The following ANO4 variants were observed in gnomAD, a reference collection of about 807,000 sequenced individuals.
ANO4 encodes the protein anoctamin-4.
ANO4 carries 69 observed loss-of-function variants against 141.9 expected under a neutral mutation model. That is an observed-to-expected ratio of 0.49 (90% CI 0.40 to 0.59). The LOEUF (loss-of-function observed/expected upper bound fraction) is 0.59. Ranked by LOEUF, ANO4 falls within the 20% of genes least tolerant of loss-of-function variation. ANO4 has a pLI of 0.00. For synonymous variants in ANO4, 350 were observed against 394.3 expected, an observed-to-expected ratio of 0.89 and a Z score of 1.33; for missense variants, 894 against 1,162.2, an observed-to-expected ratio of 0.77 and a Z score of 3.36.
At chr12:101,006,732 A>G (rs187595401) in intron 8 of ANO4, among the ~76,000 whole-genome samples, 36 of 152,314 alleles carry the variant, frequency 2.4e-4, no homozygotes, top group Admixed American at 2.0e-3. Context: ...CCATTTCTAT[A>G]AAGTTCTAAA....
rs2050671730 is a variant in ANO4 at position 101,111,704 on chromosome 12, G to A, written c.2444G>A (p.Gly815Glu). The change falls in exon 24 of 28, where the codon GGG (glycine) becomes GAG (glutamate). Residue 815 changes from glycine to glutamate, a missense_variant. By Grantham distance (98) the Gly-to-Glu change is moderately conservative. Around this residue, in one of 2 missense-constraint regions of ANO4, gnomAD observed 637 missense variants for 909.2 expected, o/e 0.70. Transcript: ENST00000392977. ...CCTTGTGCAGGCCAAGGAGAAGCTG[G>A]GCAAAAGTAAGTTTGCTATAAAACC... is the stretch of plus-strand genomic sequence containing the variant. The part of the protein sequence containing the change: ...YGPCAGQGEA[G>E]QKCMVGYVNA... The A allele has an allele frequency of 1.3e-6, 2 of 1,587,492 alleles. No individual in the cohort carries two copies. Among genetic ancestry groups the A allele is most frequent in the South Asian group, 2.3e-5 (2 of 85,546 alleles).
intron 22 of ANO4, among the ~76,000 whole-genome samples, chr12:101,106,822 T>C (rs902561376): frequency 6.6e-6 from 1 of 151,770 alleles, no homozygotes; most frequent in Non-Finnish European, 1.5e-5. Flanking sequence ...TGCTTTCCAA[T>C]ATTTAAAAGT....
intron 14 of ANO4, among the ~76,000 whole-genome samples, chr12:101,066,228 T>C (rs1224453648): frequency 6.6e-6 from 1 of 152,236 alleles, no homozygotes; most frequent in African/African-American, 2.4e-5. Context: ...CTTTCACCAC[T>C]GTTATTCAAC....
In ANO4 at chr12:101,074,532, G is replaced by T. The variant is rs375168107; in HGVS notation, c.1313-4661G>T. ...TATCTGGAAAATACAATATATGTAG[G>T]CAACCATATTCTCAGCAACAATCAT... On this transcript the variant is annotated intron_variant, in intron 14 of 27. Coordinates refer to ENST00000392977, the MANE Select transcript of ANO4 (RefSeq NM_001286615.2). Among the ~76,000 whole-genome samples the T allele has an allele frequency of 5.3e-5, 8 of 152,272 alleles. No homozygotes were observed. In the East Asian group the frequency reaches 1.5e-3, roughly 29 times the overall value.
chr12:101,108,876 A>G (rs1371156532), intron 22 of ANO4, among the ~76,000 whole-genome samples: 5 of 152,178 alleles, frequency 3.3e-5, no homozygotes, highest in Non-Finnish European at 7.3e-5. Flanking sequence ...AAAACAAGAA[A>G]AGTTAAGAAT....
At chr12:101,085,809 T>A (rs1279447935) in intron 16 of ANO4, among the ~76,000 whole-genome samples, 1 of 152,264 alleles carries the variant, frequency 6.6e-6, no homozygotes, top group African/African-American at 2.4e-5. Context: ...TTACTATGCA[T>A]CTGTAATTAT....
intron 1 of ANO4, among the ~76,000 whole-genome samples, chr12:100,833,985 G>T (rs1433715196): frequency 6.6e-6 from 1 of 152,110 alleles, no homozygotes; most frequent in Admixed American, 6.6e-5. Flanking sequence ...TGGCTGACAT[G>T]GGTAAAGAGA....
chr12:100,925,806 C>T (rs1239400966), intron 3 of ANO4, among the ~76,000 whole-genome samples: 1 of 78,408 alleles, frequency 1.3e-5, no homozygotes, highest in African/African-American at 5.1e-5. Flanking sequence ...TGTGTGTATA[C>T]ATACATATAC....
chr12:100,718,083 T>C (rs904525936), intron 1 of ANO4, among the ~76,000 whole-genome samples: 5 of 152,172 alleles, frequency 3.3e-5, no homozygotes, highest in Non-Finnish European at 4.4e-5. Context: ...GAAATAAAAG[T>C]TTATGAAAAA....
intron 5 of ANO4, among the ~76,000 whole-genome samples, chr12:100,950,417 T>C (rs2136203127): frequency 6.6e-6 from 1 of 152,344 alleles, no homozygotes; most frequent in South Asian, 2.1e-4. Context: ...CTCAGAGCCC[T>C]GGCGATTCCT....
intron 1 of ANO4, among the ~76,000 whole-genome samples, chr12:100,860,681 C>T (rs1055421248): frequency 6.6e-6 from 1 of 152,202 alleles, no homozygotes; most frequent in Non-Finnish European, 1.5e-5. Flanking sequence ...TTAAGAGCCT[C>T]CTCTATACCA....
intron 1 of ANO4, among the ~76,000 whole-genome samples, chr12:100,867,551 C>T (rs1485931808): frequency 1.3e-5 from 2 of 152,000 alleles, no homozygotes; most frequent in East Asian, 1.9e-4. Flanking sequence ...CTGCTTTACT[C>T]GGTCTACCCA....
At chr12:100,946,182 A>T (rs549580006) in intron 5 of ANO4, among the ~76,000 whole-genome samples, 1 of 152,316 alleles carries the variant, frequency 6.6e-6, no homozygotes, top group Admixed American at 6.5e-5. Flanking sequence ...CAAGGTGAAG[A>T]ATAGTGAGAA....
At chr12:100,816,712 G>A (rs1202072511) in intron 1 of ANO4, among the ~76,000 whole-genome samples, 1 of 151,930 alleles carries the variant, frequency 6.6e-6, no homozygotes, top group Non-Finnish European at 1.5e-5. Flanking sequence ...GGATGGTTTG[G>A]ATTCTAGCAC....
intron 8 of ANO4, among the ~76,000 whole-genome samples, chr12:100,988,589 C>A (rs1023983794): frequency 6.7e-6 from 1 of 148,780 alleles, no homozygotes. Context: ...GAAAGTAAAC[C>A]AGGCTGAGTG....
rs2048682813 is a variant in ANO4 at position 101,068,449 on chromosome 12, T to C, written c.1313-10744T>C. On this transcript the variant is annotated intron_variant, in intron 14 of 27. Coordinates refer to ENST00000392977, the MANE Select transcript of ANO4 (RefSeq NM_001286615.2). ...TTTTTAAGAAGACTGTGTCCTCCCA[T>C]GAAGCCTTTCTTTAGTGGCTTTCTT... 38 of 910,890 alleles carry C rather than the reference T, an allele frequency of 4.2e-5. 2 individuals are homozygous for C. The South Asian group carries it at 4.9e-4, about 12-fold the overall frequency. 56.4% of individuals were successfully genotyped at this position (910,890 alleles called of 1,614,324 possible).
chr12:100,986,601 A>G (rs2044720014), intron 7 of ANO4, among the ~76,000 whole-genome samples: 1 of 152,218 alleles, frequency 6.6e-6, no homozygotes, highest in Admixed American at 6.5e-5. Flanking sequence ...ATACATTGCC[A>G]TGTAAATATA....
intron 3 of ANO4, among the ~76,000 whole-genome samples, chr12:100,784,501 A>C (rs900231588): frequency 6.6e-6 from 1 of 152,124 alleles, no homozygotes; most frequent in Non-Finnish European, 1.5e-5. Flanking sequence ...TTATTGTTGT[A>C]ATTGCAGTTG....
intron 9 of ANO4, among the ~76,000 whole-genome samples, chr12:101,034,569 A>T (rs1024373337): frequency 2.0e-5 from 3 of 151,900 alleles, no homozygotes; most frequent in Admixed American, 2.0e-4. Flanking sequence ...ATACCTATGT[A>T]ACAAACCTGC....
Sources: gnomAD v4.1 joint callset for allele counts (sites outside exome capture counted in the v4.1 genomes callset) on GRCh38, gnomAD v4.1.1 for gene constraint, gnomAD v4.1.1 regional missense constraint, MANE v1.5 for transcripts, NCBI Gene and HGNC (gene_info 2026-07-23, HGNC 2026-07-21) for gene names.